PAMR1: variants seen among roughly 807,000 people sequenced by gnomAD.
PAMR1 encodes the protein peptidase domain containing associated with muscle regeneration 1, also known as inactive serine protease PAMR1.
Under a neutral mutation model 81.8 loss-of-function variants are expected in PAMR1, and 88 were observed. That is an observed-to-expected ratio of 1.08 (90% confidence interval 0.91 to 1.28). PAMR1 has a LOEUF of 1.28. PAMR1 is among the 50% of genes most tolerant of loss of function. The pLI, the probability that PAMR1 is intolerant of heterozygous loss-of-function variation, is 0.00. For missense variants in PAMR1, 935 were observed against 919.7 expected (o/e 1.02, Z -0.21); for synonymous variants, 336 against 345.3 (o/e 0.97, Z 0.30).
At chr11:35,453,777 C>G (rs1454163036) in intron 6 of PAMR1, among the ~76,000 whole-genome samples, 2 of 151,906 alleles carry the variant, frequency 1.3e-5, no homozygotes, top group Non-Finnish European at 2.9e-5. Context: ...TTTTTTGGTG[C>G]AAAGCCAAAT....
intron 1 of PAMR1, among the ~76,000 whole-genome samples, chr11:35,498,847 C>G (rs1218795181): frequency 6.6e-6 from 1 of 152,214 alleles, no homozygotes; most frequent in African/African-American, 2.4e-5. Flanking sequence ...CCCTGGCCTT[C>G]CCCTCCAAAA....
intron 6 of PAMR1, among the ~76,000 whole-genome samples, chr11:35,458,129 T>C (rs1268104338): frequency 2.0e-5 from 3 of 152,204 alleles, no homozygotes; most frequent in African/African-American, 7.2e-5. Context: ...TTTAGAAAGA[T>C]ATAATATTTG....
chr11:35,490,437 T>C (rs1464766234), intron 3 of PAMR1, among the ~76,000 whole-genome samples: 1 of 152,222 alleles, frequency 6.6e-6, no homozygotes, highest in East Asian at 1.9e-4. Flanking sequence ...CAAAGGTCAA[T>C]GTGAAATCTA....
rs1319944991 is a variant in PAMR1 at position 35,525,505 on chromosome 11, C to A, written c.73+8G>T. 2 of 1,613,196 alleles carry A rather than the reference C, an allele frequency of 1.2e-6. No individual in the cohort carries two copies. The highest frequency in any genetic ancestry group is 2.2e-5 in the East Asian group (1 of 44,844). ...CTCCTAGGGTGTCCCGGACGCTACT[C>A]ACAGTACCTCTTGGCAAGGACGAGA... is the stretch of plus-strand genomic sequence containing the variant. On this transcript the variant is annotated splice_region_variant and intron_variant, in intron 1 of 10. Transcript: ENST00000619888.
chr11:35,464,625 T>C (rs868174579), intron 6 of PAMR1, among the ~76,000 whole-genome samples: 8 of 152,148 alleles, frequency 5.3e-5, no homozygotes, highest in Admixed American at 3.3e-4. Context: ...CACCCCTGGT[T>C]GAGAACCACT....
chr11:35,443,701 T>C (rs1379365814), intron 6 of PAMR1, among the ~76,000 whole-genome samples: 1 of 152,252 alleles, frequency 6.6e-6, no homozygotes, highest in African/African-American at 2.4e-5. Context: ...AATAGATTTA[T>C]ATTCCTTTGG....
intron 1 of PAMR1, among the ~76,000 whole-genome samples, chr11:35,522,181 C>A (rs1315444905): frequency 1.3e-5 from 2 of 152,160 alleles, no homozygotes; most frequent in African/African-American, 4.8e-5. Context: ...CCTGGCCTCC[C>A]AAAGTGCTGG....
At chr11:35,473,157 G>T (rs1850221436) in intron 4 of PAMR1, among the ~76,000 whole-genome samples, 2 of 152,092 alleles carry the variant, frequency 1.3e-5, no homozygotes, top group Non-Finnish European at 2.9e-5. Flanking sequence ...TGGAAAAGGG[G>T]CATCAGGGAC....
intron 1 of PAMR1, among the ~76,000 whole-genome samples, chr11:35,511,383 G>T (rs1851069910): frequency 6.6e-6 from 1 of 152,188 alleles, no homozygotes; most frequent in Non-Finnish European, 1.5e-5. Context: ...GGCTGTTAAG[G>T]TCAACCTGAA....
At chr11:35,529,652 A>G (rs1393119764), upstream of PAMR1, among the ~76,000 whole-genome samples, 1 of 152,184 alleles carries the variant, frequency 6.6e-6, no homozygotes, top group Non-Finnish European at 1.5e-5. Flanking sequence ...TGCCTAAAAT[A>G]TACTAAGATA....
chr11:35,470,067 C>A (rs1376245853), intron 5 of PAMR1, among the ~76,000 whole-genome samples: 2 of 152,150 alleles, frequency 1.3e-5, no homozygotes, highest in Non-Finnish European at 2.9e-5. Flanking sequence ...TAGGGTTGGG[C>A]AGCTGTTGAA....
intron 6 of PAMR1, among the ~76,000 whole-genome samples, chr11:35,451,410 T>C (rs2135355102): frequency 6.6e-6 from 1 of 152,388 alleles, no homozygotes; most frequent in Admixed American, 6.5e-5. Flanking sequence ...ATTTCCATAA[T>C]GCTTAGATGT....
upstream of PAMR1, among the ~76,000 whole-genome samples, chr11:35,527,483 A>G (rs55990649): frequency 0.23 from 34,887 of 152,026 alleles, 4,149 homozygotes; most frequent in Non-Finnish European, 0.26. Flanking sequence ...CCATATCGAG[A>G]TGAAATCAGT....
Position 35,434,551 on chromosome 11 carries a change from C to T in PAMR1, c.1587G>A (p.Arg529=). Residue 529 remains arginine, a synonymous_variant, in exon 10 of 11, where the codon CGG becomes CGA. Coordinates refer to ENST00000619888, the MANE Select transcript of PAMR1 (RefSeq NM_001001991.3). Reference sequence around the variant, plus strand: ...TGGTCTTCTCATCCCGGTCATCATCCCGGTAGAATTTCCCCAAAACAACTT... The same window carrying T: ...TGGTCTTCTCATCCCGGTCATCATCTCGGTAGAATTTCCCCAAAACAACTT... ...DLKVVLGKFY[R]DDDRDEKTIQ... 1.2e-6 allele frequency: 2 copies of T among 1,613,978 alleles called. No individual in the cohort carries two copies. Among genetic ancestry groups the T allele is most frequent in the Non-Finnish European group, 1.7e-6 (2 of 1,179,996 alleles).
Position 35,525,512 on chromosome 11 carries a change from C to A in PAMR1, c.73+1G>T. The A allele has an allele frequency of 6.2e-7, 1 of 1,613,598 alleles. No homozygotes were observed. The highest frequency in any genetic ancestry group is 8.5e-7 in the Non-Finnish European group (1 of 1,179,604). On this transcript the variant is annotated splice_donor_variant, in intron 1 of 10. Transcript: ENST00000619888. LOFTEE classifies it high-confidence loss of function. ...GGTGTCCCGGACGCTACTCACAGTA[C>A]CTCTTGGCAAGGACGAGATGAGAAG...
rs71044519 is a variant in PAMR1 at position 35,466,726 on chromosome 11, CAAAAAAAAA to C, written c.820+1266_820+1274del. ...TGGGCGACAGAGAGAGGCTCTATCT[CAAAAAAAAA>C]AAAAAAAAAAAAGGAAAACATTAGT... On this transcript the variant is annotated intron_variant, in intron 6 of 10. Transcript: ENST00000619888. 9.1e-3 allele frequency among the ~76,000 whole-genome samples: 585 copies of C among 63,988 alleles called. 9 individuals carry two copies. Among genetic ancestry groups the C allele is most frequent in the African/African-American group, 0.035 (565 of 15,920 alleles). The allele number at this position is 63,988 out of a possible 152,430, so 42.0% of individuals were successfully genotyped here. A position where few individuals can be genotyped will look rare whatever the true frequency, so the allele number is the denominator to read the frequency against.
At chr11:35,444,264 G>C (rs1239519829) in intron 6 of PAMR1, among the ~76,000 whole-genome samples, 1 of 151,980 alleles carries the variant, frequency 6.6e-6, no homozygotes, top group Non-Finnish European at 1.5e-5. Flanking sequence ...AGTTGGATAG[G>C]TTCCAAAACT....
chr11:35,486,588 G>A (rs1850513624), intron 3 of PAMR1, among the ~76,000 whole-genome samples: 1 of 152,146 alleles, frequency 6.6e-6, no homozygotes. Flanking sequence ...GAGAAAGCCT[G>A]GACCCTCAAA....
chr11:35,511,338 C>CA (rs1851069047), intron 1 of PAMR1, among the ~76,000 whole-genome samples: 1 of 152,196 alleles, frequency 6.6e-6, no homozygotes, highest in Admixed American at 6.5e-5. Context: ...GCAATGTCTT[C>CA]AACATTATAT....
Sources: gnomAD v4.1 joint callset for allele counts (sites outside exome capture counted in the v4.1 genomes callset) on GRCh38, gnomAD v4.1.1 for gene constraint, MANE v1.5 for transcripts, NCBI Gene and HGNC (gene_info 2026-07-23, HGNC 2026-07-21) for gene names.